Variants in RGL1 observed in about 807,000 individuals in gnomAD.
RGL1 encodes ral guanine nucleotide dissociation stimulator like 1, also known as ral guanine nucleotide dissociation stimulator-like 1.
A neutral mutation model predicts 95.2 loss-of-function variants in RGL1; 24 were observed. The observed-to-expected ratio is 0.25, with a 90% CI of 0.18 to 0.35. The LOEUF is 0.35. RGL1 is among the 10% of genes least tolerant of loss of function. The pLI, the probability that RGL1 is intolerant of heterozygous loss-of-function variation, is 1.00. For synonymous variants in RGL1, 329 were observed against 344.9 expected, an observed-to-expected ratio of 0.95 and a Z score of 0.51; for missense variants, 715 against 936.3, an observed-to-expected ratio of 0.76 and a Z score of 3.08.
intron 1 of RGL1, among the ~76,000 whole-genome samples, chr1:183,643,111 A>C (rs2101978426): frequency 6.6e-6 from 1 of 152,248 alleles, no homozygotes; most frequent in Non-Finnish European, 1.5e-5. Context: ...CTTCCTTTTT[A>C]AAGCCGAATA....
At chr1:183,761,969 A>T (rs6673095) in intron 2 of RGL1, among the ~76,000 whole-genome samples, 105,708 of 152,126 alleles carry the variant, frequency 0.69, 37,095 homozygotes, top group East Asian at 0.91. Context: ...TTCACCTCTC[A>T]CAGCCTTCAT....
At chr1:183,878,400 G>A (rs1309444386) in intron 4 of RGL1, among the ~76,000 whole-genome samples, 4 of 151,588 alleles carry the variant, frequency 2.6e-5, no homozygotes, top group South Asian at 2.1e-4. Flanking sequence ...GTTTCGCCAC[G>A]TTGCCCTAGC....
chr1:183,715,550 T>G (rs1303069655), intron 1 of RGL1, among the ~76,000 whole-genome samples: 1 of 152,186 alleles, frequency 6.6e-6, no homozygotes, highest in Non-Finnish European at 1.5e-5. Context: ...CTTAAATAAT[T>G]AGGTGACAGA....
chr1:183,679,800 C>T (rs1301409493), intron 1 of RGL1, among the ~76,000 whole-genome samples: 1 of 152,156 alleles, frequency 6.6e-6, no homozygotes, highest in South Asian at 2.1e-4. Flanking sequence ...CACTGTCTTC[C>T]ACAATGGTTG....
intron 1 of RGL1, among the ~76,000 whole-genome samples, chr1:183,707,899 G>A (rs946277278): frequency 1.3e-5 from 2 of 152,056 alleles, no homozygotes; most frequent in East Asian, 1.9e-4. Flanking sequence ...GGAGGAAGGC[G>A]ATCTGGGTGG....
chr1:183,835,819 T>C (rs1214836108), intron 2 of RGL1, among the ~76,000 whole-genome samples: 1 of 152,216 alleles, frequency 6.6e-6, no homozygotes, highest in African/African-American at 2.4e-5. Flanking sequence ...TTAGATCTAT[T>C]ATCTAACTTT....
rs1572439503 is a variant in RGL1 at position 183,808,905 on chromosome 1, G to C, written c.138+2420G>C. Among the ~76,000 whole-genome samples, 2 of 152,280 alleles carry C rather than the reference G, an allele frequency of 1.3e-5. 1 individual carries two copies. The highest frequency in any genetic ancestry group is 3.9e-4 in the East Asian group (2 of 5,182). ...GTGAAGAATTTCCTGGGACCTTAAG[G>C]CTGTTTCCATAGTAGTAGAAAAGAA... is the stretch of plus-strand genomic sequence containing the variant. On this transcript the variant is annotated intron_variant, in intron 2 of 17. Coordinates refer to ENST00000360851, the MANE Select transcript of RGL1 (RefSeq NM_001297671.3).
intron 13 of RGL1, among the ~76,000 whole-genome samples, chr1:183,906,272 G>A (rs1300239264): frequency 6.6e-6 from 1 of 152,154 alleles, no homozygotes; most frequent in Non-Finnish European, 1.5e-5. Flanking sequence ...TACATCTACT[G>A]TCTACAGCTA....
At chr1:183,890,315 A>C (rs766346176) in intron 8 of RGL1, among the ~76,000 whole-genome samples, 8 of 152,182 alleles carry the variant, frequency 5.3e-5, no homozygotes, top group South Asian at 4.1e-4. Context: ...AAACATGAGC[A>C]AAAAAAATTA....
intron 4 of RGL1, among the ~76,000 whole-genome samples, chr1:183,874,294 CTGCATGACCT>C (rs1225751532): frequency 6.6e-6 from 1 of 152,172 alleles, no homozygotes. Flanking sequence ...AACCTCTGTG[CTGCATGACCT>C]TTACTATTTT....
chr1:183,757,464 A>G (rs1658412125), intron 2 of RGL1, among the ~76,000 whole-genome samples: 1 of 152,196 alleles, frequency 6.6e-6, no homozygotes, highest in Non-Finnish European at 1.5e-5. Context: ...ATGATTCTGA[A>G]TGAATTTCTA....
intron 17 of RGL1, 78 bp from the exon 18 acceptor site, chr1:183,926,027 C>T: frequency 7.9e-7 from 1 of 1,271,790 alleles, no homozygotes; most frequent in Non-Finnish European, 1.1e-6. Context: ...TGTGTCTGGG[C>T]AAGGTTTACA....
At chr1:183,912,330 A>G in intron 15 of RGL1, 62 bp downstream of exon 15, 1 of 1,339,364 alleles carries the variant, frequency 7.5e-7, no homozygotes, top group Non-Finnish European at 1.0e-6. Context: ...TTGCCACACC[A>G]CAGCAAGGAA....
intron 17 of RGL1, among the ~76,000 whole-genome samples, chr1:183,924,994 A>G (rs1159957294): frequency 6.6e-6 from 1 of 151,890 alleles, no homozygotes; most frequent in African/African-American, 2.4e-5. Flanking sequence ...TAAATAAATA[A>G]CTTAAATAAA....
chr1:183,663,366 GA>G (rs1466603213), intron 1 of RGL1, among the ~76,000 whole-genome samples: 8 of 147,808 alleles, frequency 5.4e-5, no homozygotes, highest in Non-Finnish European at 1.2e-4. Context: ...AAATTTACAA[GA>G]AAAAAACAAA....
intron 1 of RGL1, among the ~76,000 whole-genome samples, chr1:183,684,433 C>T (rs1480658316): frequency 1.3e-5 from 2 of 152,016 alleles, no homozygotes; most frequent in Admixed American, 1.3e-4. Context: ...TGTGCTGCCC[C>T]TCCTTCCACC....
intron 3 of RGL1, among the ~76,000 whole-genome samples, chr1:183,859,902 C>T (rs1187903678): frequency 1.3e-5 from 2 of 152,140 alleles, no homozygotes; most frequent in Non-Finnish European, 2.9e-5. Flanking sequence ...CGGAGAGGTG[C>T]CTGCCATGGA....
chr1:183,906,873 T>C, intron 13 of RGL1, 139 bp from the exon 14 acceptor site: 1 of 639,992 alleles, frequency 1.6e-6, no homozygotes, highest in Non-Finnish European at 2.8e-6. Context: ...CTGACGTTTA[T>C]GATAGGACAA....
chr1:183,875,493 G>T (rs1361169665), intron 4 of RGL1, among the ~76,000 whole-genome samples: 3 of 152,150 alleles, frequency 2.0e-5, no homozygotes, highest in Non-Finnish European at 4.4e-5. Flanking sequence ...TAGAAGTTCT[G>T]AACCATTTTC....
Sources: allele counts gnomAD v4.1 joint callset (sites outside exome capture counted in the v4.1 genomes callset), GRCh38; gene constraint gnomAD v4.1.1; transcripts MANE v1.5; gene names NCBI Gene and HGNC (gene_info 2026-07-23, HGNC 2026-07-21).